Variants in TSHZ2 observed in about 807,000 individuals in gnomAD.
TSHZ2 encodes the protein teashirt zinc finger homeobox 2.
In TSHZ2, 21 loss-of-function variants were observed where a neutral mutation model predicts 74.4. The observed-to-expected ratio is 0.28, with a 90% confidence interval of 0.20 to 0.41. The LOEUF is 0.41. TSHZ2 is among the 10% of genes least tolerant of loss of function. TSHZ2 has a pLI of 1.00. For synonymous variants in TSHZ2, 540 were observed against 515.3 expected (o/e 1.05, Z -0.65); for missense variants, 1,244 against 1,293.5 (o/e 0.96, Z 0.59).
chr20:53,206,958 T>A (rs1989184070), intron 1 of TSHZ2, among the ~76,000 whole-genome samples: 1 of 152,222 alleles, frequency 6.6e-6, no homozygotes, highest in Admixed American at 6.5e-5. Flanking sequence ...ACTGATCACT[T>A]TCTTATTACT....
At chr20:53,023,090 G>T (rs1364065253) in intron 1 of TSHZ2, among the ~76,000 whole-genome samples, 1 of 152,100 alleles carries the variant, frequency 6.6e-6, no homozygotes, top group African/African-American at 2.4e-5. Context: ...TTTTCCTTCA[G>T]CCTAAAACAG....
intron 1 of TSHZ2, among the ~76,000 whole-genome samples, chr20:53,236,893 G>A (rs1184599907): frequency 6.6e-6 from 1 of 152,122 alleles, no homozygotes; most frequent in East Asian, 1.9e-4. Context: ...TATAAGAACA[G>A]CACAGGGGAA....
chr20:53,156,721 A>AT (rs1249104204), intron 1 of TSHZ2, among the ~76,000 whole-genome samples: 1 of 152,234 alleles, frequency 6.6e-6, no homozygotes, highest in Non-Finnish European at 1.5e-5. Context: ...TTCAGGATGA[A>AT]AGACCAAATG....
At chr20:53,474,918 T>G (rs1490921601) in intron 2 of TSHZ2, among the ~76,000 whole-genome samples, 5 of 142,060 alleles carry the variant, frequency 3.5e-5, no homozygotes, top group Admixed American at 1.4e-4. Flanking sequence ...AGAAGGCCAT[T>G]ACATAATGGT....
chr20:52,996,832 C>G (rs1982213405), intron 1 of TSHZ2, among the ~76,000 whole-genome samples: 1 of 152,114 alleles, frequency 6.6e-6, no homozygotes, highest in East Asian at 1.9e-4. Flanking sequence ...AAGCTGAGGT[C>G]CCTGGCTGCT....
intron 1 of TSHZ2, among the ~76,000 whole-genome samples, chr20:53,008,143 G>C (rs1205022899): frequency 6.6e-6 from 1 of 152,108 alleles, no homozygotes; most frequent in African/African-American, 2.4e-5. Flanking sequence ...TTAGAGTGTT[G>C]AGCATGATTT....
chr20:53,270,859 A>G (rs1410553220), intron 2 of TSHZ2, among the ~76,000 whole-genome samples: 1 of 152,138 alleles, frequency 6.6e-6, no homozygotes, highest in Non-Finnish European at 1.5e-5. Context: ...TCACAGTCAA[A>G]TAATTCTATT....
intron 2 of TSHZ2, among the ~76,000 whole-genome samples, chr20:53,277,598 A>G (rs1428172734): frequency 6.6e-6 from 1 of 152,190 alleles, no homozygotes; most frequent in African/African-American, 2.4e-5. Context: ...TCTATGTGTT[A>G]TCTCATTCTC....
At chr20:53,366,943 G>T (rs1311662296) in intron 2 of TSHZ2, among the ~76,000 whole-genome samples, 1 of 152,174 alleles carries the variant, frequency 6.6e-6, no homozygotes, top group Non-Finnish European at 1.5e-5. Flanking sequence ...TAAAGGAAAG[G>T]CTTGGGCTGT....
chr20:53,389,444 A>C (rs201812), intron 2 of TSHZ2, among the ~76,000 whole-genome samples: 77,605 of 152,144 alleles, frequency 0.51, 22,839 homozygotes, highest in Non-Finnish European at 0.68. Context: ...GGCCTGAAAG[A>C]GGGATGGTCA....
In TSHZ2 at chr20:53,494,779, G is replaced by T. The variant is rs1986541475; in HGVS notation, c.*7644G>T. 1.3e-5 allele frequency: 2 copies of T among 150,470 alleles called. No homozygotes were observed. Among genetic ancestry groups the T allele is most frequent in the Non-Finnish European group, 3.0e-5 (2 of 67,736 alleles). The allele number at this position is 150,470 out of a possible 1,614,324, so 9.3% of individuals were successfully genotyped here. A position where few individuals can be genotyped will look rare whatever the true frequency, so the allele number is the denominator to read the frequency against. ...GGAGCCCCTGATTTCCATCAAAAAG[G>T]TTTCTATAAGTATATTATTTACATT... On this transcript the variant is annotated 3_prime_UTR_variant, in exon 3 of 3. Transcript: ENST00000371497.
chr20:53,000,608 A>G (rs1202969684), intron 1 of TSHZ2, among the ~76,000 whole-genome samples: 1 of 152,218 alleles, frequency 6.6e-6, no homozygotes, highest in African/African-American at 2.4e-5. Context: ...TGGAGATAAA[A>G]CAGAAATCAT....
chr20:53,315,160 C>T (rs1340056167), intron 2 of TSHZ2, among the ~76,000 whole-genome samples: 1 of 152,216 alleles, frequency 6.6e-6, no homozygotes. Flanking sequence ...GAAATCGCTA[C>T]ACTCTTAAGA....
rs558581522 is a variant in TSHZ2 at position 53,487,749 on chromosome 20, T to C, written c.*614T>C. On this transcript the variant is annotated 3_prime_UTR_variant, in exon 3 of 3. Coordinates refer to ENST00000371497, the MANE Select transcript of TSHZ2 (RefSeq NM_173485.6). Reference sequence around the variant, plus strand: ...TAATCACTGCAAAGTAGAAGAATTATTAAGTTAAACCAGAGTTTGAGCCAA... The same window carrying C: ...TAATCACTGCAAAGTAGAAGAATTACTAAGTTAAACCAGAGTTTGAGCCAA... The C allele has an allele frequency of 1.3e-5, 2 of 152,350 alleles. No homozygotes were observed. The highest frequency in any genetic ancestry group is 3.9e-4 in the East Asian group (2 of 5,192). The allele number at this position is 152,350 out of a possible 1,614,324, so 9.4% of individuals were successfully genotyped here.
intron 1 of TSHZ2, among the ~76,000 whole-genome samples, chr20:53,140,593 A>AG (rs1304409130): frequency 8.0e-5 from 12 of 150,726 alleles, no homozygotes; most frequent in African/African-American, 2.9e-4. Context: ...CCTGAACCTC[A>AG]GTCACAGAGT....
chr20:53,068,294 GTCT>G (rs1985060275), intron 1 of TSHZ2, among the ~76,000 whole-genome samples: 1 of 152,014 alleles, frequency 6.6e-6, no homozygotes, highest in Admixed American at 6.6e-5. Context: ...ACCCACACCA[GTCT>G]ATGGATCCCG....
chr20:53,057,364 T>C (rs903394466), intron 1 of TSHZ2, among the ~76,000 whole-genome samples: 2 of 152,202 alleles, frequency 1.3e-5, no homozygotes, highest in Non-Finnish European at 2.9e-5. Context: ...GCCCCTGGCA[T>C]TGTGCTGGGA....
chr20:53,061,313 G>C (rs995421665), intron 1 of TSHZ2, among the ~76,000 whole-genome samples: 1 of 152,130 alleles, frequency 6.6e-6, no homozygotes, highest in Non-Finnish European at 1.5e-5. Context: ...CAGCACATGC[G>C]TCAGAGAGAG....
At chr20:53,100,476 T>C (rs1357083688) in intron 1 of TSHZ2, among the ~76,000 whole-genome samples, 2 of 152,198 alleles carry the variant, frequency 1.3e-5, no homozygotes, top group Non-Finnish European at 2.9e-5. Flanking sequence ...GTCACTTTAA[T>C]GTTGGGAAAT....
Sources: gnomAD v4.1 joint callset for allele counts (sites outside exome capture counted in the v4.1 genomes callset) on GRCh38, gnomAD v4.1.1 for gene constraint, MANE v1.5 for transcripts, NCBI Gene and HGNC (gene_info 2026-07-23, HGNC 2026-07-21) for gene names.